Variants in SLC25A13 observed in about 807,000 individuals in gnomAD.
SLC25A13 encodes electrogenic aspartate/glutamate antiporter SLC25A13, mitochondrial.
Under a neutral mutation model 85.5 loss-of-function variants are expected in SLC25A13, and 70 were observed. That is an observed-to-expected ratio of 0.82 (90% CI 0.68 to 1.00). The LOEUF (loss-of-function observed/expected upper bound fraction) is 1.00. Among genes scored for constraint, SLC25A13 ranks in the 50% least tolerant of loss-of-function variants. The pLI, the probability that SLC25A13 is intolerant of heterozygous loss-of-function variation, is 0.00. For synonymous variants in SLC25A13, 259 were observed against 288.7 expected (o/e 0.90, Z 1.04); for missense variants, 765 against 819.8 (o/e 0.93, Z 0.82).
intron 11 of SLC25A13, among the ~76,000 whole-genome samples, chr7:96,172,556 CAA>C (rs977929977): frequency 3.7e-5 from 5 of 135,372 alleles, no homozygotes; most frequent in Admixed American, 1.5e-4. Context: ...GACTCTGCCT[CAA>C]AAAAAAAAAA....
chr7:96,320,955 T>C (rs1800316428), intron 1 of SLC25A13, among the ~76,000 whole-genome samples: 2 of 152,244 alleles, frequency 1.3e-5, no homozygotes, highest in African/African-American at 4.8e-5. Flanking sequence ...AAATGTTAGG[T>C]ATATTTAAGT....
chr7:96,311,185 A>C (rs975750609), intron 1 of SLC25A13, among the ~76,000 whole-genome samples: 7 of 152,206 alleles, frequency 4.6e-5, no homozygotes, highest in Non-Finnish European at 8.8e-5. Flanking sequence ...AAAGTTAGCT[A>C]ATTAAAACCA....
intron 11 of SLC25A13, among the ~76,000 whole-genome samples, chr7:96,179,125 G>T (rs1227074688): frequency 6.6e-6 from 1 of 152,180 alleles, no homozygotes; most frequent in African/African-American, 2.4e-5. Flanking sequence ...AAAAAAATCA[G>T]TTCCTCAACT....
At chr7:96,202,214 C>T (rs1795283925) in intron 5 of SLC25A13, among the ~76,000 whole-genome samples, 1 of 152,156 alleles carries the variant, frequency 6.6e-6, no homozygotes, top group Non-Finnish European at 1.5e-5. Context: ...GGACAAGGAT[C>T]CTTACTAATA....
Position 96,262,713 on chromosome 7 carries a change from C to T in SLC25A13, c.212+14483G>A, listed in dbSNP as rs148459383. ...TAAGCAAAGACATAAGCAAAGTTCT[C>T]GTGCAAAGCTCAATTTTAAATATTC... On this transcript the variant is annotated intron_variant, in intron 3 of 17. Coordinates refer to ENST00000265631, the MANE Select transcript of SLC25A13 (RefSeq NM_014251.3). Among the ~76,000 whole-genome samples, 15 of 152,228 alleles carry T rather than the reference C, an allele frequency of 9.9e-5. 1 individual carries two copies. Among genetic ancestry groups the T allele is most frequent in the Middle Eastern group, 6.8e-3 (2 of 294 alleles).
intron 15 of SLC25A13, among the ~76,000 whole-genome samples, chr7:96,127,930 T>C (rs551454971): frequency 6.6e-6 from 1 of 152,300 alleles, no homozygotes; most frequent in South Asian, 2.1e-4. Context: ...AAAGGGAATG[T>C]GGGGGCCTGA....
At chr7:96,169,593 A>C (rs1793914793) in intron 13 of SLC25A13, among the ~76,000 whole-genome samples, 2 of 152,168 alleles carry the variant, frequency 1.3e-5, no homozygotes, top group South Asian at 2.1e-4. Context: ...TTGTTCTCCC[A>C]AAAGCAGTGG....
chr7:96,149,795 G>A (rs1271493086), intron 13 of SLC25A13, among the ~76,000 whole-genome samples: 1 of 152,148 alleles, frequency 6.6e-6, no homozygotes, highest in Non-Finnish European at 1.5e-5. Context: ...ACTGCGTGCC[G>A]CTCTTCCAAT....
At chr7:96,128,803 C>T (rs1280678224) in intron 15 of SLC25A13, among the ~76,000 whole-genome samples, 2 of 149,382 alleles carry the variant, frequency 1.3e-5, no homozygotes, top group Non-Finnish European at 3.0e-5. Flanking sequence ...TAATAAAAGT[C>T]AATGCTCTAT....
intron 3 of SLC25A13, among the ~76,000 whole-genome samples, chr7:96,240,629 A>C (rs1197764652): frequency 6.6e-6 from 1 of 151,978 alleles, no homozygotes; most frequent in African/African-American, 2.4e-5. Flanking sequence ...CTATAATTCC[A>C]GCACTTTGGG....
chr7:96,147,054 T>TCGTATCCAAATGAGGAGACACAGAA lies in SLC25A13; in HGVS notation c.1312-383_1312-359dup, dbSNP rs67526901. Among the ~76,000 whole-genome samples, 1,107 of 148,452 alleles carry TCGTATCCAAATGAGGAGACACAGAA rather than the reference T, an allele frequency of 7.5e-3. 29 individuals carry two copies. The highest frequency in any genetic ancestry group is 0.027 in the African/African-American group (1,056 of 39,744). On this transcript the variant is annotated intron_variant, in intron 13 of 17. Transcript: ENST00000265631. ...AAGGCAGTAATAAAATGAAAAGCAT[T>TCGTATCCAAATGAGGAGACACAGAA]CGTATCCAAATGAGGAGACACAGAA...
intron 15 of SLC25A13, among the ~76,000 whole-genome samples, chr7:96,130,949 T>C (rs1792003041): frequency 6.7e-6 from 1 of 149,902 alleles, no homozygotes; most frequent in African/African-American, 2.5e-5. Flanking sequence ...AAGCTGGGAG[T>C]TGTTCTTATG....
chr7:96,142,397 G>C (rs1443059844), intron 14 of SLC25A13, among the ~76,000 whole-genome samples: 1 of 152,138 alleles, frequency 6.6e-6, no homozygotes, highest in Non-Finnish European at 1.5e-5. Context: ...TAGGATAGTG[G>C]CCTGCAGCTG....
At chr7:96,187,303 C>T (rs776743121) in intron 9 of SLC25A13, among the ~76,000 whole-genome samples, 1 of 152,216 alleles carries the variant, frequency 6.6e-6, no homozygotes, top group Non-Finnish European at 1.5e-5. Context: ...TATCAACCCA[C>T]TGAATTTTAG....
chr7:96,240,362 A>G (rs1796922574), intron 3 of SLC25A13, among the ~76,000 whole-genome samples: 1 of 152,114 alleles, frequency 6.6e-6, no homozygotes, highest in African/African-American at 2.4e-5. Flanking sequence ...GTGAAATGTG[A>G]TCAAGTAAAG....
At chr7:96,240,796 A>T (rs1562870356) in intron 3 of SLC25A13, among the ~76,000 whole-genome samples, 1 of 151,224 alleles carries the variant, frequency 6.6e-6, no homozygotes, top group Non-Finnish European at 1.5e-5. Flanking sequence ...AGTTGCTCAC[A>T]TCCTGATTAT....
At chr7:96,298,729 A>G (rs533310354) in intron 1 of SLC25A13, among the ~76,000 whole-genome samples, 1 of 152,292 alleles carries the variant, frequency 6.6e-6, no homozygotes, top group East Asian at 1.9e-4. Flanking sequence ...CACTGTGCCC[A>G]GCCATGAATT....
chr7:96,241,103 A>G lies in SLC25A13; in HGVS notation c.213-6186T>C, dbSNP rs559098962. ...GAAAGAAAGAAAGAAAGAAAGAAAG[A>G]AAGGCACTTTATACCAAGGGCTGGG... is the stretch of plus-strand genomic sequence containing the variant. On this transcript the variant is annotated intron_variant, in intron 3 of 17. Transcript: ENST00000265631. 2.1e-3 allele frequency among the ~76,000 whole-genome samples: 298 copies of G among 140,756 alleles called. 1 individual carries two copies. The highest frequency in any genetic ancestry group is 7.3e-3 in the African/African-American group (277 of 37,882). The allele number at this position is 140,756 out of a possible 152,430, so 92.3% of individuals were successfully genotyped here.
chr7:96,185,022 T>C lies in SLC25A13; in HGVS notation c.934-11A>G, dbSNP rs1428544855. 1.9e-6 allele frequency: 3 copies of C among 1,608,614 alleles called. No individual in the cohort carries two copies. The highest frequency in any genetic ancestry group is 2.5e-6 in the Non-Finnish European group (3 of 1,177,504). On this transcript the variant is annotated splice_polypyrimidine_tract_variant and intron_variant, in intron 9 of 17. Coordinates refer to ENST00000265631, the MANE Select transcript of SLC25A13 (RefSeq NM_014251.3). ...ATCACCTGAGGCCTTCTGCTTTGCA[T>C]GCACAGGAATCAGAGAGCAGGAAAA... is the stretch of plus-strand genomic sequence containing the variant.
Sources: allele counts gnomAD v4.1 joint callset (sites outside exome capture counted in the v4.1 genomes callset), GRCh38; gene constraint gnomAD v4.1.1; transcripts MANE v1.5; gene names NCBI Gene and HGNC (gene_info 2026-07-23, HGNC 2026-07-21).